The following CR1L variants were observed in gnomAD, a reference collection of about 807,000 sequenced individuals.
CR1L encodes complement C3b/C4b receptor 1 like.
A neutral mutation model predicts 62.3 loss-of-function variants in CR1L; 59 were observed. The ratio of observed to expected loss-of-function variants is 0.95; its 90% confidence interval spans 0.77 to 1.18. CR1L has a LOEUF of 1.18. Ranked by LOEUF, CR1L falls within the 50% of genes most tolerant of loss-of-function variation. The probability of loss-of-function intolerance (pLI) is 0.00; values close to 1 mark genes in which losing one functional copy is unlikely to be tolerated. For synonymous variants in CR1L, 279 were observed against 248.7 expected (o/e 1.12, Z -1.15); for missense variants, 700 against 702.8 (o/e 1.00, Z 0.04).
chr1:207,696,829 T>C (rs1664107037), intron 5 of CR1L, among the ~76,000 whole-genome samples: 1 of 152,222 alleles, frequency 6.6e-6, no homozygotes, highest in African/African-American at 2.4e-5. Flanking sequence ...TACAATATGT[T>C]GTGTGAAATA....
rs748711369 is a variant in CR1L, at chr1:207,697,475, T to G, written c.863-28T>G. 3.7e-6 allele frequency: 6 copies of G among 1,613,666 alleles called. No homozygotes were observed. In the South Asian group the frequency reaches 6.6e-5, roughly 18 times the overall value. ...GAGAGAAAAGTTATTTTCACACAAT[T>G]AGCAGTACTTTGTTTCTCTCTCCCC... On this transcript the variant is annotated intron_variant, in intron 5 of 11. Transcript: ENST00000508064.
chr1:207,659,947 G>A (rs2102445130), intron 1 of CR1L, among the ~76,000 whole-genome samples: 1 of 152,348 alleles, frequency 6.6e-6, no homozygotes, highest in Admixed American at 6.5e-5. Flanking sequence ...ACTTGGCTGG[G>A]GGAGGAGCGT....
At chr1:207,676,845 G>A (rs569822698) in intron 1 of CR1L, among the ~76,000 whole-genome samples, 60 of 151,966 alleles carry the variant, frequency 3.9e-4, no homozygotes, top group Admixed American at 3.9e-4. Flanking sequence ...TAGTAGAGAC[G>A]GGGTTTCACC....
intron 1 of CR1L, among the ~76,000 whole-genome samples, chr1:207,668,673 T>C (rs1663561643): frequency 6.6e-6 from 1 of 151,102 alleles, no homozygotes; most frequent in Non-Finnish European, 1.5e-5. Flanking sequence ...TCTTGATTGC[T>C]TTCTTCTCAC....
At chr1:207,655,381 AG>A in intron 1 of CR1L, 1 of 355,554 alleles carries the variant, frequency 2.8e-6, no homozygotes, top group Non-Finnish European at 5.3e-6. Flanking sequence ...GATCCCAAAG[AG>A]GTTTCTTTTA....
intron 1 of CR1L, among the ~76,000 whole-genome samples, chr1:207,655,630 GT>G (rs1475201786): frequency 6.6e-6 from 1 of 152,008 alleles, no homozygotes; most frequent in Non-Finnish European, 1.5e-5. Flanking sequence ...TAGAGACGTG[GT>G]TTTGCCATGA....
intron 3 of CR1L, among the ~76,000 whole-genome samples, chr1:207,682,718 T>C (rs912973750): frequency 1.3e-5 from 2 of 152,220 alleles, no homozygotes; most frequent in Admixed American, 6.5e-5. Flanking sequence ...GCTTCATTCA[T>C]GTATAGTACT....
chr1:207,646,856 G>A (rs6659617), intron 1 of CR1L, among the ~76,000 whole-genome samples: 68,455 of 151,406 alleles, frequency 0.45, 15,644 homozygotes, highest in East Asian at 0.67. Flanking sequence ...GTGTATCTAT[G>A]TCCAAATTAT....
intron 2 of CR1L, among the ~76,000 whole-genome samples, 159 bp from the exon 3 acceptor site, chr1:207,678,039 C>T (rs1243163731): frequency 1.3e-5 from 2 of 152,130 alleles, no homozygotes; most frequent in Non-Finnish European, 2.9e-5. Context: ...GGAGCTGATC[C>T]TGAGGCAGTC....
At chr1:207,665,706 G>A (rs549085597) in intron 1 of CR1L, among the ~76,000 whole-genome samples, 4 of 152,198 alleles carry the variant, frequency 2.6e-5, no homozygotes, top group African/African-American at 4.8e-5. Context: ...AATGACACTG[G>A]GTGTATTAAA....
intron 10 of CR1L, chr1:207,710,273 G>A (rs1664332377): frequency 1.4e-6 from 1 of 691,384 alleles, no homozygotes; most frequent in Non-Finnish European, 2.5e-6. Flanking sequence ...GACCTGGGAA[G>A]TTGAGATTGC....
chr1:207,645,245 C>A lies in CR1L; in HGVS notation c.12C>A (p.Pro4=). 1 of 1,613,280 alleles carries A rather than the reference C, an allele frequency of 6.2e-7. No homozygotes were observed. Among genetic ancestry groups the A allele is most frequent in the South Asian group, 1.1e-5 (1 of 91,056 alleles). The change falls in exon 1 of 12, where the codon CCC becomes CCA. Residue 4 remains proline, a synonymous_variant. Transcript: ENST00000508064. The part of the protein sequence containing the change: MAP[P]VRLERPFPSR... ...CTCCCGCGCCGCTCATGGCGCCTCC[C>A]GTCCGTCTCGAGCGTCCCTTTCCTT...
chr1:207,651,711 A>T (rs1320012116), intron 1 of CR1L, among the ~76,000 whole-genome samples: 1 of 152,204 alleles, frequency 6.6e-6, no homozygotes, highest in East Asian at 1.9e-4. Flanking sequence ...CCACAGCAAT[A>T]TAGTAGCTTT....
At chr1:207,699,829 C>T (rs1326748517) in intron 8 of CR1L, among the ~76,000 whole-genome samples, 1 of 152,034 alleles carries the variant, frequency 6.6e-6, no homozygotes, top group Non-Finnish European at 1.5e-5. Context: ...GTCCCTGTCC[C>T]CATGTTGTTT....
In CR1L at chr1:207,701,530, G is replaced by A. The variant is rs751311344; in HGVS notation, c.1240G>A (p.Glu414Lys). Residue 414 changes from glutamate (E) to lysine (K), a missense_variant, in exon 9 of 12, where the codon GAA becomes AAA. By Grantham distance (56) the Glu-to-Lys change is moderately conservative (BLOSUM62 1). Transcript: ENST00000508064. The stretch of plus-strand genomic sequence containing the variant: ...TTTCTTTCCCACAGGTAAATCATGT[G>A]AAACTCCTCCAGTTCCAGTGAATGG... Reference protein sequence around the residue: ...SVPVCERKSCETPPVPVNGMV... With the variant: ...SVPVCERKSCKTPPVPVNGMV... The A allele has an allele frequency of 1.6e-5, 26 of 1,613,610 alleles. 1 individual carries two copies. In the South Asian group the frequency reaches 2.0e-4, roughly 12 times the overall value.
At chr1:207,701,089 A>T (rs1324993735) in intron 8 of CR1L, among the ~76,000 whole-genome samples, 2 of 152,226 alleles carry the variant, frequency 1.3e-5, no homozygotes, top group African/African-American at 2.4e-5. Flanking sequence ...GAATGTTTCA[A>T]GGAATATTTG....
At position 207,697,076 on chromosome 1, in the gene CR1L, G is replaced by A. The variant is rs543591227; in HGVS notation, c.863-427G>A. On this transcript the variant is annotated intron_variant, in intron 5 of 11. Transcript: ENST00000508064. Reference sequence around the variant, plus strand: ...TAGGTGATGGAGGGACCTATTAGATGAGACATGGGCAGGGGCACTCCTTTA... The same window carrying A: ...TAGGTGATGGAGGGACCTATTAGATAAGACATGGGCAGGGGCACTCCTTTA... Among the ~76,000 whole-genome samples the A allele has an allele frequency of 5.9e-5, 9 of 152,346 alleles. No individual in the cohort carries two copies. In the East Asian group the frequency reaches 1.7e-3, roughly 29 times the overall value.
chr1:207,687,204 T>C (rs1663925145), intron 4 of CR1L, among the ~76,000 whole-genome samples: 2 of 152,226 alleles, frequency 1.3e-5, no homozygotes. Flanking sequence ...TAGTGTTTCA[T>C]ATATTTGCTT....
intron 4 of CR1L, among the ~76,000 whole-genome samples, chr1:207,691,476 T>C (rs1663995940): frequency 6.6e-6 from 1 of 151,924 alleles, no homozygotes; most frequent in Non-Finnish European, 1.5e-5. Flanking sequence ...TTAAATTTAA[T>C]AATAAAAAGT....
Sources: allele counts gnomAD v4.1 joint callset (sites outside exome capture counted in the v4.1 genomes callset), GRCh38; gene constraint gnomAD v4.1.1; transcripts MANE v1.5; gene names NCBI Gene and HGNC (gene_info 2026-07-23, HGNC 2026-07-21).